ARL9: variants seen among roughly 807,000 people sequenced by gnomAD.
The protein encoded by ARL9 is ADP-ribosylation factor-like protein 9.
In ARL9, 14 loss-of-function variants were observed where a neutral mutation model predicts 27.0. That is an observed-to-expected ratio of 0.52 (90% confidence interval 0.34 to 0.81). The LOEUF is 0.81. Among genes scored for constraint, ARL9 ranks in the 30% least tolerant of loss-of-function variants. The probability of loss-of-function intolerance (pLI) is 0.01; values close to 1 mark genes in which losing one functional copy is unlikely to be tolerated. For missense variants in ARL9, 294 were observed against 290.0 expected (o/e 1.01, Z -0.10); for synonymous variants, 106 against 108.7 (o/e 0.98, Z 0.15).
intron 3 of ARL9, among the ~76,000 whole-genome samples, chr4:56,521,514 G>A (rs1223322472): frequency 6.6e-6 from 1 of 152,104 alleles, no homozygotes; most frequent in Non-Finnish European, 1.5e-5. Context: ...TGGGATTTTG[G>A]ATTTGTACAT....
chr4:56,505,812 C>G lies in ARL9; in HGVS notation c.-51C>G, dbSNP rs766937966. The G allele has an allele frequency of 3.1e-6, 4 of 1,296,976 alleles. No homozygotes were observed. In the South Asian group the frequency reaches 7.7e-5, roughly 25 times the overall value. 80.3% of individuals were successfully genotyped at this position (1,296,976 alleles called of 1,614,324 possible). ...AGCCACACCTGGGGCCCAGAGCCAC[C>G]GCTCAGCACGCGGGCACGCGGCGGG... On this transcript the variant is annotated 5_prime_UTR_variant, in exon 1 of 4. Transcript: ENST00000640821.
intron 1 of ARL9, among the ~76,000 whole-genome samples, chr4:56,507,924 C>A (rs1721511929): frequency 6.9e-6 from 1 of 145,706 alleles, no homozygotes; most frequent in African/African-American, 2.5e-5. Flanking sequence ...TGTAGTGAGC[C>A]AAGATCGTGC....
At chr4:56,516,584 CAA>C (rs10718013) in intron 2 of ARL9, among the ~76,000 whole-genome samples, 4,025 of 120,780 alleles carry the variant, frequency 0.033, 103 homozygotes, top group East Asian at 0.16. Flanking sequence ...TCAAATTAGG[CAA>C]AAAAAAAAAA....
chr4:56,514,198 T>G (rs777609706), intron 2 of ARL9, among the ~76,000 whole-genome samples: 16 of 151,982 alleles, frequency 1.1e-4, no homozygotes, highest in Admixed American at 2.0e-4. Context: ...AATCTACTGA[T>G]CAAAACTAGC....
chr4:56,506,231 C>T, intron 1 of ARL9, 90 bp downstream of exon 1: 1 of 1,197,396 alleles, frequency 8.4e-7, no homozygotes, highest in Non-Finnish European at 1.0e-6. Context: ...CGGAGGCCCC[C>T]GACCGCGTGG....
At chr4:56,521,577 T>G (rs1232128393) in intron 3 of ARL9, among the ~76,000 whole-genome samples, 2 of 152,218 alleles carry the variant, frequency 1.3e-5, no homozygotes, top group African/African-American at 2.4e-5. Context: ...TTGCACAAAT[T>G]TATTCTTCCA....
chr4:56,507,873 G>A (rs1721510871), intron 1 of ARL9, among the ~76,000 whole-genome samples: 1 of 151,490 alleles, frequency 6.6e-6, no homozygotes, highest in African/African-American at 2.4e-5. Flanking sequence ...CTACTCGGGA[G>A]GCTGAGGCAG....
At chr4:56,513,063 T>C (rs1483706704) in intron 2 of ARL9, among the ~76,000 whole-genome samples, 1 of 152,268 alleles carries the variant, frequency 6.6e-6, no homozygotes, top group Non-Finnish European at 1.5e-5. Flanking sequence ...ATTTTTATCA[T>C]GATCATCAAT....
At chr4:56,519,857 A>AT (rs912928238) in intron 3 of ARL9, among the ~76,000 whole-genome samples, 1,613 of 146,484 alleles carry the variant, frequency 0.011, 24 homozygotes, top group African/African-American at 0.037. Context: ...ATGCAAAGGG[A>AT]TTTTTTTTTT....
chr4:56,518,279 C>T (rs1721820971), intron 2 of ARL9, among the ~76,000 whole-genome samples: 1 of 152,168 alleles, frequency 6.6e-6, no homozygotes, highest in African/African-American at 2.4e-5. Flanking sequence ...TCAAACAGTC[C>T]TCCTGCCTCA....
chr4:56,509,017 A>G (rs1205491104), intron 1 of ARL9, among the ~76,000 whole-genome samples: 2 of 152,126 alleles, frequency 1.3e-5, no homozygotes, highest in African/African-American at 2.4e-5. Context: ...TTGAATTCCT[A>G]TGAGCAGTCT....
chr4:56,506,786 T>TG (rs1721474909), intron 1 of ARL9: 2 of 179,852 alleles, frequency 1.1e-5, no homozygotes, highest in African/African-American at 7.5e-5. Flanking sequence ...ATTAACACAG[T>TG]TGTGTGTGTG....
upstream of ARL9, chr4:56,505,678 G>A (rs1721433574): frequency 1.0e-6 from 1 of 989,900 alleles, no homozygotes; most frequent in South Asian, 1.8e-5. Flanking sequence ...GCTGCAAGAA[G>A]CCCTGCATCC....
chr4:56,519,796 C>T (rs562927138), intron 3 of ARL9, among the ~76,000 whole-genome samples: 30 of 151,772 alleles, frequency 2.0e-4, no homozygotes, highest in Non-Finnish European at 3.2e-4. Flanking sequence ...TCATAACAGC[C>T]AAAAATGGAA....
upstream of ARL9, chr4:56,505,648 C>T: frequency 4.0e-6 from 3 of 751,110 alleles, no homozygotes; most frequent in Admixed American, 3.1e-5. Flanking sequence ...TTTGCGAACC[C>T]CTGCGGGTTC....
At chr4:56,509,207 TTTG>T (rs1396670470) in intron 1 of ARL9, among the ~76,000 whole-genome samples, 4 of 139,512 alleles carry the variant, frequency 2.9e-5, no homozygotes, top group African/African-American at 5.3e-5. Context: ...TTTTCTTTTT[TTTG>T]TTTTTTTTTT....
chr4:56,507,315 TTTTG>T (rs1206311616), intron 1 of ARL9, among the ~76,000 whole-genome samples: 3 of 151,764 alleles, frequency 2.0e-5, no homozygotes, highest in African/African-American at 7.3e-5. Context: ...GAACTGATAT[TTTTG>T]TTTTTGTTTT....
chr4:56,505,515 C>A (rs1175754141), upstream of ARL9: 1 of 495,690 alleles, frequency 2.0e-6, no homozygotes, highest in South Asian at 1.5e-5. Context: ...CCGAGGTAAT[C>A]GCGCTAGGGA....
chr4:56,511,552 G>A (rs1281672724), intron 2 of ARL9, among the ~76,000 whole-genome samples: 1 of 152,168 alleles, frequency 6.6e-6, no homozygotes, highest in African/African-American at 2.4e-5. Context: ...TTTTACAGTA[G>A]TGGTGATAAA....
Sources: gnomAD v4.1 joint callset for allele counts (sites outside exome capture counted in the v4.1 genomes callset) on GRCh38, gnomAD v4.1.1 for gene constraint, MANE v1.5 for transcripts, NCBI Gene and HGNC (gene_info 2026-07-23, HGNC 2026-07-21) for gene names.